Variants in USP46 observed in about 807,000 individuals in gnomAD.
USP46 encodes ubiquitin specific peptidase 46.
A neutral mutation model predicts 44.4 loss-of-function variants in USP46; 12 were observed. That is an observed-to-expected ratio of 0.27 (90% CI 0.17 to 0.44). The LOEUF (loss-of-function observed/expected upper bound fraction) is 0.44. Ranked by LOEUF, USP46 falls within the 20% of genes least tolerant of loss-of-function variation. The probability of loss-of-function intolerance (pLI) is 1.00; values close to 1 mark genes in which losing one functional copy is unlikely to be tolerated. For synonymous variants in USP46, 155 were observed against 161.5 expected, an observed-to-expected ratio of 0.96 and a Z score of 0.31; for missense variants, 248 against 444.8, an observed-to-expected ratio of 0.56 and a Z score of 3.98.
At chr4:52,600,071 A>G (rs75011462) in intron 7 of USP46, among the ~76,000 whole-genome samples, 3,512 of 152,208 alleles carry the variant, frequency 0.023, 75 homozygotes, top group Admixed American at 0.051. Flanking sequence ...ACTGATCAAA[A>G]TCATAAATTA....
intron 4 of USP46, among the ~76,000 whole-genome samples, chr4:52,618,010 C>A (rs763767765): frequency 7.4e-4 from 112 of 152,188 alleles, no homozygotes; most frequent in Non-Finnish European, 5.3e-4. Flanking sequence ...TAATTAACTA[C>A]AAATCAGTTA....
At chr4:52,602,649 G>A (rs567199016) in intron 6 of USP46, among the ~76,000 whole-genome samples, 1 of 152,268 alleles carries the variant, frequency 6.6e-6, no homozygotes, top group African/African-American at 2.4e-5. Flanking sequence ...TTGGCTTAGG[G>A]CTACATTTCA....
rs774563789 is a variant in USP46 at position 52,604,484 on chromosome 4, G to A, written c.722+17C>T. 1.2e-5 allele frequency: 20 copies of A among 1,605,848 alleles called. No individual in the cohort carries two copies. In the Middle Eastern group the frequency reaches 5.0e-4, roughly 40 times the overall value. ...TCTCACCACACAAAGATAACCCTGAGCTAAATCTTTACCTACCTTTTCTGG... is the reference window on the plus strand; with the variant it reads ...TCTCACCACACAAAGATAACCCTGAACTAAATCTTTACCTACCTTTTCTGG... On this transcript the variant is annotated intron_variant, in intron 6 of 8. Transcript: ENST00000441222.
chr4:52,642,906 AATAAT>A (rs1718401998), intron 1 of USP46, among the ~76,000 whole-genome samples: 1 of 152,216 alleles, frequency 6.6e-6, no homozygotes, highest in Non-Finnish European at 1.5e-5. Flanking sequence ...AGATACTGAC[AATAAT>A]ATAACAAAAA....
chr4:52,624,880 C>T (rs978172525), intron 4 of USP46, among the ~76,000 whole-genome samples: 4 of 152,156 alleles, frequency 2.6e-5, no homozygotes, highest in Admixed American at 2.0e-4. Flanking sequence ...AAGGTCCTCA[C>T]CAAGAACCTG....
intron 1 of USP46, among the ~76,000 whole-genome samples, chr4:52,631,431 C>T (rs770254991): frequency 2.0e-5 from 3 of 152,152 alleles, no homozygotes; most frequent in Non-Finnish European, 4.4e-5. Context: ...AACAAACAAT[C>T]GCCAAGAACT....
At chr4:52,647,162 G>A (rs969245548) in intron 1 of USP46, among the ~76,000 whole-genome samples, 1 of 152,164 alleles carries the variant, frequency 6.6e-6, no homozygotes, top group African/African-American at 2.4e-5. Context: ...AAAAGAATGA[G>A]GTGGCTCTTC....
At chr4:52,633,002 G>GAAAGAGA (rs1717969341) in intron 1 of USP46, among the ~76,000 whole-genome samples, 5 of 117,024 alleles carry the variant, frequency 4.3e-5, no homozygotes, top group African/African-American at 1.5e-4. Flanking sequence ...AAGAAAGAAA[G>GAAAGAGA]AAAGAAAGAA....
chr4:52,632,990 A>AAAAGAAAAGAAAAG (rs1717961084), intron 1 of USP46, among the ~76,000 whole-genome samples: 61 of 66,276 alleles, frequency 9.2e-4, no homozygotes, highest in East Asian at 1.7e-3. Flanking sequence ...GAAAGAAAAG[A>AAAAGAAAAGAAAAG]AAAGAAAGAA....
chr4:52,652,771 A>G lies in USP46; in HGVS notation c.36+6344T>C, dbSNP rs150003566. Among the ~76,000 whole-genome samples the G allele has an allele frequency of 4.2e-4, 64 of 152,272 alleles. 2 individuals carry two copies. The East Asian group carries it at 0.012, about 29-fold the overall frequency. On this transcript the variant is annotated intron_variant, in intron 1 of 8. Coordinates refer to ENST00000441222, the MANE Select transcript of USP46 (RefSeq NM_022832.4). ...GCAGAATAGTGGTCACTCTGTGGGG[A>G]GAGGCAATGAGATCAGGAAGGACTC... is the stretch of plus-strand genomic sequence containing the variant.
intron 1 of USP46, among the ~76,000 whole-genome samples, chr4:52,632,383 A>G (rs1717862874): frequency 1.3e-5 from 2 of 152,332 alleles, no homozygotes; most frequent in African/African-American, 4.8e-5. Flanking sequence ...GTAGTTTGGG[A>G]AGCAAGTAAA....
intron 1 of USP46, among the ~76,000 whole-genome samples, chr4:52,657,856 G>C (rs1470044449): frequency 6.6e-6 from 1 of 152,210 alleles, no homozygotes; most frequent in Non-Finnish European, 1.5e-5. Context: ...AAGCCAGCGG[G>C]TCTCAATTCC....
chr4:52,627,336 C>G (rs905491426), intron 3 of USP46, among the ~76,000 whole-genome samples: 1 of 152,168 alleles, frequency 6.6e-6, no homozygotes, highest in Non-Finnish European at 1.5e-5. Context: ...ATTGCCATAA[C>G]AAATATCTTT....
intron 1 of USP46, among the ~76,000 whole-genome samples, chr4:52,637,668 T>C (rs1432374777): frequency 6.6e-6 from 1 of 152,112 alleles, no homozygotes; most frequent in Non-Finnish European, 1.5e-5. Context: ...GACTACCAGA[T>C]CTCTCATCTG....
intron 7 of USP46, among the ~76,000 whole-genome samples, chr4:52,599,114 T>C (rs6832794): frequency 0.18 from 27,286 of 151,990 alleles, 3,018 homozygotes; most frequent in African/African-American, 0.32. Context: ...GTATGTCAAG[T>C]GGTGAGAAGT....
chr4:52,604,434 T>C (rs1716596011), intron 6 of USP46, 67 bp downstream of exon 6: 2 of 1,375,076 alleles, frequency 1.5e-6, no homozygotes, highest in South Asian at 2.5e-5. Context: ...AAGCCAACCC[T>C]GCTGGGCCCC....
chr4:52,611,763 C>G (rs778264477), intron 4 of USP46, among the ~76,000 whole-genome samples: 6 of 152,064 alleles, frequency 3.9e-5, no homozygotes, highest in Non-Finnish European at 7.4e-5. Context: ...TAGCACATGC[C>G]TGTAAAAATC....
At chr4:52,616,557 G>A (rs1293813656) in intron 4 of USP46, among the ~76,000 whole-genome samples, 1 of 152,176 alleles carries the variant, frequency 6.6e-6, no homozygotes, top group African/African-American at 2.4e-5. Context: ...ATTTTTCGTA[G>A]AGACAGGGTT....
chr4:52,598,539 A>G (rs1298438530), intron 8 of USP46, 89 bp downstream of exon 8: 2 of 1,285,824 alleles, frequency 1.6e-6, no homozygotes, highest in African/African-American at 1.5e-5. Flanking sequence ...ATGGGGAAAC[A>G]GGCCTATTTT....
Sources: allele counts gnomAD v4.1 joint callset (sites outside exome capture counted in the v4.1 genomes callset), GRCh38; gene constraint gnomAD v4.1.1; transcripts MANE v1.5; gene names NCBI Gene and HGNC (gene_info 2026-07-23, HGNC 2026-07-21).